The following SLC13A3 variants were observed in gnomAD, a reference collection of about 807,000 sequenced individuals.
The protein encoded by SLC13A3 is Na(+)/dicarboxylate cotransporter 3.
A neutral mutation model predicts 59.0 loss-of-function variants in SLC13A3; 40 were observed. That is an observed-to-expected ratio of 0.68 (90% confidence interval 0.53 to 0.88). The LOEUF is 0.88. SLC13A3 is among the 40% of genes least tolerant of loss of function. The pLI is 0.00. For missense variants in SLC13A3, 699 were observed against 783.2 expected, an observed-to-expected ratio of 0.89 and a Z score of 1.28; for synonymous variants, 317 against 330.3, an observed-to-expected ratio of 0.96 and a Z score of 0.44.
intron 8 of SLC13A3, among the ~76,000 whole-genome samples, 158 bp downstream of exon 8, chr20:46,587,901 T>C (rs1273001960): frequency 2.6e-5 from 4 of 152,170 alleles, no homozygotes; most frequent in Non-Finnish European, 1.5e-5. Flanking sequence ...CTAAACTCTT[T>C]TGAGAGTGAA....
intron 10 of SLC13A3, among the ~76,000 whole-genome samples, chr20:46,570,817 G>A (rs538072763): frequency 3.9e-5 from 6 of 152,240 alleles, no homozygotes; most frequent in East Asian, 3.9e-4. Flanking sequence ...ATAATATGAC[G>A]TGCCCTAGTA....
intron 12 of SLC13A3, among the ~76,000 whole-genome samples, chr20:46,563,058 G>A (rs1259035484): frequency 6.6e-6 from 1 of 152,166 alleles, no homozygotes; most frequent in African/African-American, 2.4e-5. Flanking sequence ...CTCCGCTTCT[G>A]TCTCCTTCCC....
At chr20:46,599,605 A>AT (rs58298193) in intron 4 of SLC13A3, among the ~76,000 whole-genome samples, 3,400 of 152,194 alleles carry the variant, frequency 0.022, 122 homozygotes, top group African/African-American at 0.077. Context: ...TTTATAAGGA[A>AT]TTTTTTTGTC....
Position 46,559,133 on chromosome 20 carries a change from G to C in SLC13A3, c.*889C>G, listed in dbSNP as rs2061909343. The C allele has an allele frequency of 6.6e-6, 1 of 152,184 alleles. No homozygotes were observed. The highest frequency in any genetic ancestry group is 1.5e-5 in the Non-Finnish European group (1 of 68,094). 9.4% of individuals were successfully genotyped at this position (152,184 alleles called of 1,614,324 possible). A position where few individuals can be genotyped will look rare whatever the true frequency, so the allele number is the denominator to read the frequency against. ...TACCACTTAAGGTGGGGCATGGAGAGATCAAGGCCACCTGCTGGGACAAGC... is the reference window on the plus strand; with the variant it reads ...TACCACTTAAGGTGGGGCATGGAGACATCAAGGCCACCTGCTGGGACAAGC... On this transcript the variant is annotated 3_prime_UTR_variant, in exon 13 of 13. Transcript: ENST00000279027.
intron 3 of SLC13A3, among the ~76,000 whole-genome samples, chr20:46,608,227 T>C (rs548735525): frequency 6.6e-6 from 1 of 152,228 alleles, no homozygotes; most frequent in Non-Finnish European, 1.5e-5. Flanking sequence ...CATTTTCAAA[T>C]GGTTGAAAAA....
chr20:46,613,786 C>T, intron 1 of SLC13A3, 61 bp from the exon 2 acceptor site: 1 of 1,479,908 alleles, frequency 6.8e-7, no homozygotes, highest in Non-Finnish European at 9.1e-7. Flanking sequence ...GGGAAGGAGG[C>T]CCAGGGCTCA....
At chr20:46,660,078 G>A (rs898435178) in intron 1 of SLC13A3, among the ~76,000 whole-genome samples, 1 of 152,084 alleles carries the variant, frequency 6.6e-6, no homozygotes, top group Non-Finnish European at 1.5e-5. Flanking sequence ...ACAACATATT[G>A]TTTTAATTTT....
chr20:46,642,392 G>GGCCT (rs1192088955), intron 1 of SLC13A3, among the ~76,000 whole-genome samples: 1 of 152,158 alleles, frequency 6.6e-6, no homozygotes, highest in East Asian at 1.9e-4. Flanking sequence ...CCTCCTCATA[G>GGCCT]GCCTCCCTTG....
At chr20:46,563,200 A>G (rs993880010) in intron 12 of SLC13A3, among the ~76,000 whole-genome samples, 4 of 152,180 alleles carry the variant, frequency 2.6e-5, no homozygotes, top group African/African-American at 4.8e-5. Context: ...AAATTTTGGA[A>G]AGTAGTCACT....
At chr20:46,629,806 G>A (rs1218615540) in intron 1 of SLC13A3, among the ~76,000 whole-genome samples, 1 of 151,972 alleles carries the variant, frequency 6.6e-6, no homozygotes, top group African/African-American at 2.4e-5. Flanking sequence ...TTGTAGGCAG[G>A]CAATTTTTAA....
chr20:46,655,253 A>G (rs527697406), upstream of SLC13A3, among the ~76,000 whole-genome samples: 8 of 151,256 alleles, frequency 5.3e-5, no homozygotes, highest in African/African-American at 1.9e-4. Context: ...ATATATACAC[A>G]CGTATATACA....
intron 6 of SLC13A3, among the ~76,000 whole-genome samples, chr20:46,592,024 T>C (rs2062262547): frequency 6.7e-6 from 1 of 150,320 alleles, no homozygotes; most frequent in South Asian, 2.1e-4. Flanking sequence ...CTGGGCAATA[T>C]AGTGAGACTC....
intron 5 of SLC13A3, among the ~76,000 whole-genome samples, chr20:46,593,117 C>T (rs746929918): frequency 2.0e-5 from 3 of 152,160 alleles, no homozygotes; most frequent in Non-Finnish European, 4.4e-5. Flanking sequence ...TGTCCAATCT[C>T]AGTTTTATTA....
At chr20:46,608,652 G>A (rs947516349) in intron 3 of SLC13A3, 19 of 432,466 alleles carry the variant, frequency 4.4e-5, no homozygotes, top group African/African-American at 2.1e-4. Context: ...AGTGTATGAC[G>A]GGGAAATACT....
chr20:46,629,507 CA>C (rs1165428357), intron 1 of SLC13A3, among the ~76,000 whole-genome samples: 2 of 152,068 alleles, frequency 1.3e-5, no homozygotes, highest in African/African-American at 4.8e-5. Flanking sequence ...TTTTTTTCTT[CA>C]GGAACACCAA....
At chr20:46,607,293 G>A (rs563279372) in intron 3 of SLC13A3, among the ~76,000 whole-genome samples, 1 of 152,300 alleles carries the variant, frequency 6.6e-6, no homozygotes, top group East Asian at 1.9e-4. Context: ...GGTTGCTGCT[G>A]GTGCTACAGA....
rs970426628 is a variant in SLC13A3, at chr20:46,585,157, A to G, written c.1122-1488T>C. The G allele has an allele frequency of 1.4e-5, 14 of 984,798 alleles. No individual in the cohort carries two copies. In the African/African-American group the frequency reaches 2.3e-4, roughly 16 times the overall value. 61.0% of individuals were successfully genotyped at this position (984,798 alleles called of 1,614,324 possible). ...AAGAAAATAAAATTAAAAAAAAAGA[A>G]TGGAGTAAGTCCAAATGGCAAGTTG... On this transcript the variant is annotated intron_variant, in intron 8 of 12. Coordinates refer to ENST00000279027, the MANE Select transcript of SLC13A3 (RefSeq NM_022829.6).
chr20:46,599,747 G>A (rs1212329945), intron 4 of SLC13A3, among the ~76,000 whole-genome samples: 1 of 151,930 alleles, frequency 6.6e-6, no homozygotes, highest in Non-Finnish European at 1.5e-5. Context: ...AGATCTTTAG[G>A]GATTTAATGT....
chr20:46,666,055 C>A lies in SLC13A3; in HGVS notation c.-31+3988G>T, dbSNP rs76621733. Among the ~76,000 whole-genome samples, 390 of 152,266 alleles carry A rather than the reference C, an allele frequency of 2.6e-3. 1 individual carries two copies. Among genetic ancestry groups the A allele is most frequent in the African/African-American group, 9.1e-3 (377 of 41,554 alleles). ...TTCTGGATATACTTTGCCAGCAGAGCTGGTAGGTCTTGCTGAAACTCTGAT... is the reference window on the plus strand; with the variant it reads ...TTCTGGATATACTTTGCCAGCAGAGATGGTAGGTCTTGCTGAAACTCTGAT... On this transcript the variant is annotated intron_variant, in intron 1 of 12. Coordinates refer to the SLC13A3 transcript ENST00000290317.
Sources: gnomAD v4.1 joint callset for allele counts (sites outside exome capture counted in the v4.1 genomes callset) on GRCh38, gnomAD v4.1.1 for gene constraint, MANE v1.5 for transcripts, NCBI Gene and HGNC (gene_info 2026-07-23, HGNC 2026-07-21) for gene names.